The following ABTB2 variants were observed in gnomAD, a reference collection of about 807,000 sequenced individuals.
The protein encoded by ABTB2 is ankyrin repeat and BTB domain containing 2.
ABTB2 carries 56 observed loss-of-function variants against 104.1 expected under a neutral mutation model. The observed-to-expected ratio is 0.54, with a 90% confidence interval of 0.43 to 0.67. The LOEUF (loss-of-function observed/expected upper bound fraction) is 0.67, where lower values mean the gene tolerates loss of function less well. Ranked by LOEUF, ABTB2 falls within the 30% of genes least tolerant of loss-of-function variation. The pLI, the probability that ABTB2 is intolerant of heterozygous loss-of-function variation, is 0.00. For missense variants in ABTB2, 1,279 were observed against 1,407.7 expected (o/e 0.91, Z 1.46); for synonymous variants, 606 against 608.2 (o/e 1.00, Z 0.05).
At chr11:34,248,114 A>ATTTTTTTTTTTTTTTTTTTTTTTTTTTTT (rs1363625721) in intron 1 of ABTB2, among the ~76,000 whole-genome samples, 1 of 126,328 alleles carries the variant, frequency 7.9e-6, no homozygotes, top group African/African-American at 3.1e-5. Flanking sequence ...AAAAAAAAAA[A>ATTTTTTTTTTTTTTTTTTTTTTTTTTTTT]AAAAAAAACA....
At chr11:34,198,460 A>ACC (rs140373883) in intron 2 of ABTB2, among the ~76,000 whole-genome samples, 3 of 151,254 alleles carry the variant, frequency 2.0e-5, no homozygotes, top group Non-Finnish European at 4.4e-5. Context: ...ACAACAAAAA[A>ACC]AAACAAAAAC....
At chr11:34,204,803 G>T in intron 1 of ABTB2, 113 bp from the exon 2 acceptor site, 1 of 1,222,714 alleles carries the variant, frequency 8.2e-7, no homozygotes, top group Non-Finnish European at 1.1e-6. Context: ...ACAGAGAGAG[G>T]TTCAGGAGGT....
chr11:34,228,330 G>C (rs1043788680), intron 1 of ABTB2, among the ~76,000 whole-genome samples: 1 of 116,254 alleles, frequency 8.6e-6, no homozygotes, highest in African/African-American at 3.3e-5. Flanking sequence ...AAAGTGCTGG[G>C]ATTACAGGCG....
chr11:34,345,227 G>A (rs982084347), intron 1 of ABTB2, among the ~76,000 whole-genome samples: 3 of 151,888 alleles, frequency 2.0e-5, no homozygotes, highest in Non-Finnish European at 4.4e-5. Flanking sequence ...TGCTACACTC[G>A]CCCCAGCCGC....
intron 2 of ABTB2, among the ~76,000 whole-genome samples, chr11:34,203,590 G>A (rs1246804572): frequency 1.3e-5 from 2 of 152,180 alleles, no homozygotes; most frequent in African/African-American, 2.4e-5. Context: ...GTCACCAGGA[G>A]ACAGGGAGTC....
rs567565948 is a variant in ABTB2, at chr11:34,345,147, A to T, written c.883+11554T>A. On this transcript the variant is annotated intron_variant, in intron 1 of 16. Coordinates refer to ENST00000435224, the MANE Select transcript of ABTB2 (RefSeq NM_145804.3). ...GCTTTTCAGCTTACTCAGAACTAAA[A>T]GCCAATGAATTATTACCCAATGGCC... Among the ~76,000 whole-genome samples the T allele has an allele frequency of 3.6e-4, 55 of 152,304 alleles. 1 individual carries two copies. Among genetic ancestry groups the T allele is most frequent in the Middle Eastern group, 6.8e-3 (2 of 292 alleles).
chr11:34,166,470 G>A (rs1047097618), intron 7 of ABTB2, among the ~76,000 whole-genome samples: 5 of 152,226 alleles, frequency 3.3e-5, no homozygotes, highest in South Asian at 2.1e-4. Context: ...AGGCAAAGGC[G>A]GCAGGATGTG....
chr11:34,155,200 CAG>C (rs1312622966), intron 14 of ABTB2, among the ~76,000 whole-genome samples: 3 of 152,256 alleles, frequency 2.0e-5, no homozygotes, highest in African/African-American at 7.2e-5. Context: ...AAATTCTACA[CAG>C]GGAGTAGCAG....
At chr11:34,240,019 A>G (rs779531627) in intron 1 of ABTB2, among the ~76,000 whole-genome samples, 23 of 152,250 alleles carry the variant, frequency 1.5e-4, no homozygotes, top group Admixed American at 7.9e-4. Flanking sequence ...TTTCAGTTCC[A>G]TAATCAATTT....
Position 34,240,884 on chromosome 11 carries a change from C to T in ABTB2, c.884-36194G>A, listed in dbSNP as rs550784184. On this transcript the variant is annotated intron_variant, in intron 1 of 16. Coordinates refer to ENST00000435224, the MANE Select transcript of ABTB2 (RefSeq NM_145804.3). Reference sequence around the variant, plus strand: ...TGCTGGGATTACAGGTGTGAGCCACCGTACCTGGCCTTCCCCCCTTTTTAG... The same window carrying T: ...TGCTGGGATTACAGGTGTGAGCCACTGTACCTGGCCTTCCCCCCTTTTTAG... Among the ~76,000 whole-genome samples the T allele has an allele frequency of 5.9e-5, 9 of 152,272 alleles. No individual in the cohort carries two copies. In the East Asian group the frequency reaches 9.7e-4, roughly 16 times the overall value.
chr11:34,155,026 A>C (rs1354118961), intron 14 of ABTB2, among the ~76,000 whole-genome samples: 1 of 152,192 alleles, frequency 6.6e-6, no homozygotes, highest in Non-Finnish European at 1.5e-5. Flanking sequence ...TACAATCCTC[A>C]TGAGAACACG....
intron 1 of ABTB2, chr11:34,335,533 G>T (rs10836186): frequency 8.2e-7 from 1 of 1,213,888 alleles, no homozygotes; most frequent in Non-Finnish European, 1.2e-6. Flanking sequence ...AAATCTTTTC[G>T]CCACAATTCT....
chr11:34,168,294 C>T (rs1339790237), intron 5 of ABTB2, among the ~76,000 whole-genome samples: 1 of 152,192 alleles, frequency 6.6e-6, no homozygotes, highest in Non-Finnish European at 1.5e-5. Flanking sequence ...TGTCATTTGC[C>T]CTCTCTGTGC....
Position 34,165,335 on chromosome 11 carries a change from G to T in ABTB2, c.1777C>A (p.His593Asn). Reference protein sequence around the residue: ...VVQLLLDAGAHVEGSAVNGGE... With the variant: ...VVQLLLDAGANVEGSAVNGGE... Reference sequence around the variant, plus strand: ...CCGTTCACTGCCGAGCCCTCGACATGGGCACCAGCATCCAGCAGCAACTGC... The same window carrying T: ...CCGTTCACTGCCGAGCCCTCGACATTGGCACCAGCATCCAGCAGCAACTGC... The change falls in exon 8 of 17, where the codon CAT (histidine) becomes AAT (asparagine). Residue 593 changes from histidine to asparagine, a missense_variant. His to Asn is a moderately conservative substitution (Grantham distance 68, BLOSUM62 1). Coordinates refer to ENST00000435224, the MANE Select transcript of ABTB2 (RefSeq NM_145804.3). 1.3e-6 allele frequency: 2 copies of T among 1,587,250 alleles called. No homozygotes were observed. The highest frequency in any genetic ancestry group is 1.8e-5 in the Admixed American group (1 of 56,382).
chr11:34,352,881 C>T (rs1373224447), intron 1 of ABTB2, among the ~76,000 whole-genome samples: 1 of 152,172 alleles, frequency 6.6e-6, no homozygotes, highest in Non-Finnish European at 1.5e-5. Flanking sequence ...CATAGCAAGA[C>T]CCTGTCTCTA....
At chr11:34,326,431 T>C (rs1855071739) in intron 1 of ABTB2, among the ~76,000 whole-genome samples, 1 of 152,138 alleles carries the variant, frequency 6.6e-6, no homozygotes, top group African/African-American at 2.4e-5. Context: ...AAGACCAGCC[T>C]GCCCAACGTG....
At chr11:34,258,332 TC>T (rs1176083876) in intron 1 of ABTB2, among the ~76,000 whole-genome samples, 1 of 152,106 alleles carries the variant, frequency 6.6e-6, no homozygotes, top group Non-Finnish European at 1.5e-5. Flanking sequence ...TTCCCTTTAA[TC>T]CTCACAGTGA....
At chr11:34,293,093 A>G (rs1854580847) in intron 1 of ABTB2, among the ~76,000 whole-genome samples, 1 of 152,190 alleles carries the variant, frequency 6.6e-6, no homozygotes. Context: ...AGCAGTGGAA[A>G]CAGTGTTTTT....
intron 1 of ABTB2, among the ~76,000 whole-genome samples, chr11:34,331,540 G>A (rs1855130263): frequency 6.6e-6 from 1 of 152,174 alleles, no homozygotes; most frequent in African/African-American, 2.4e-5. Context: ...AATTTGGCAT[G>A]CTGGCCCCAA....
Sources: gnomAD v4.1 joint callset for allele counts (sites outside exome capture counted in the v4.1 genomes callset) on GRCh38, gnomAD v4.1.1 for gene constraint, MANE v1.5 for transcripts, NCBI Gene and HGNC (gene_info 2026-07-23, HGNC 2026-07-21) for gene names.